Variants in ATP2A2 observed in about 807,000 individuals in gnomAD.
ATP2A2 encodes the protein sarcoplasmic/endoplasmic reticulum calcium ATPase 2.
A neutral mutation model predicts 109.3 loss-of-function variants in ATP2A2; 14 were observed. The ratio of observed to expected loss-of-function variants is 0.13; its 90% CI spans 0.08 to 0.20. The LOEUF is 0.20. Ranked by LOEUF, ATP2A2 falls within the 10% of genes least tolerant of loss-of-function variation. The pLI is 1.00. For synonymous variants in ATP2A2, 506 were observed against 490.9 expected, an observed-to-expected ratio of 1.03 and a Z score of -0.41; for missense variants, 657 against 1,321.6, an observed-to-expected ratio of 0.50 and a Z score of 7.80.
intron 5 of ATP2A2, among the ~76,000 whole-genome samples, chr12:110,315,208 A>G (rs1423453152): frequency 6.6e-6 from 1 of 152,142 alleles, no homozygotes; most frequent in Non-Finnish European, 1.5e-5. Flanking sequence ...AGAGGGGAAG[A>G]AGAATGGTGT....
chr12:110,293,501 TCTC>T (rs566764497), intron 4 of ATP2A2, among the ~76,000 whole-genome samples: 1 of 150,522 alleles, frequency 6.6e-6, no homozygotes, highest in African/African-American at 2.4e-5. Flanking sequence ...ATCAAGCAAT[TCTC>T]CTGTCTCACC....
At position 110,349,411 on chromosome 12, in the gene ATP2A2, G is replaced by C; in HGVS notation, c.*2941G>C. On this transcript the variant is annotated 3_prime_UTR_variant, in exon 20 of 20. Transcript: ENST00000539276. ...CATCAGTGTCGCTTGTTGCCACCCC[G>C]TGCCTCCCTTGGCCTCTCTGAGCTT... 4 of 985,512 alleles carry C rather than the reference G, an allele frequency of 4.1e-6. No homozygotes were observed. Among genetic ancestry groups the C allele is most frequent in the Non-Finnish European group, 4.8e-6 (4 of 830,010 alleles). The allele number at this position is 985,512 out of a possible 1,614,324, so 61.0% of individuals were successfully genotyped here. A position where few individuals can be genotyped will look rare whatever the true frequency, so the allele number is the denominator to read the frequency against.
Position 110,296,588 on chromosome 12 carries a change from C to G in ATP2A2, c.325-11C>G, listed in dbSNP as rs1270322690. 9 of 1,613,780 alleles carry G rather than the reference C, an allele frequency of 5.6e-6. No homozygotes were observed. Among genetic ancestry groups the G allele is most frequent in the Non-Finnish European group, 6.8e-6 (8 of 1,179,970 alleles). On this transcript the variant is annotated splice_polypyrimidine_tract_variant and intron_variant, in intron 4 of 19. Transcript: ENST00000539276. ...CAGGTCTTTACTACTCTTCTGTTTT[C>G]TTTTATACAGGAAAGAAATGCTGAA... is the stretch of plus-strand genomic sequence containing the variant.
chr12:110,306,822 A>C (rs190382195), intron 5 of ATP2A2, among the ~76,000 whole-genome samples: 63 of 152,062 alleles, frequency 4.1e-4, no homozygotes, highest in African/African-American at 1.5e-3. Flanking sequence ...CCACCTCCCA[A>C]GCTCAAGCCA....
At chr12:110,318,737 G>C (rs147772354) in intron 5 of ATP2A2, among the ~76,000 whole-genome samples, 140 of 152,334 alleles carry the variant, frequency 9.2e-4, no homozygotes, top group African/African-American at 3.2e-3. Flanking sequence ...GCTTCCCAAA[G>C]TTCTGGGATT....
chr12:110,348,946 T>C lies in ATP2A2; in HGVS notation c.*2476T>C. On this transcript the variant is annotated 3_prime_UTR_variant, in exon 20 of 20. Transcript: ENST00000539276. ...ATTCCGTGCAAACAAAACTCAGCTT[T>C]TCCTGACTCAGTTCCTTGACTTAGT... 1.0e-6 allele frequency: 1 copy of C among 985,448 alleles called. No individual in the cohort carries two copies. The highest frequency in any genetic ancestry group is 1.7e-5 in the African/African-American group (1 of 57,370). 61.0% of individuals were successfully genotyped at this position (985,448 alleles called of 1,614,324 possible). A position where few individuals can be genotyped will look rare whatever the true frequency, so the allele number is the denominator to read the frequency against.
At chr12:110,309,750 A>G (rs1052989145) in intron 5 of ATP2A2, among the ~76,000 whole-genome samples, 2 of 152,052 alleles carry the variant, frequency 1.3e-5, no homozygotes, top group African/African-American at 4.8e-5. Context: ...TACAAAAAAT[A>G]CAAAAATTAG....
chr12:110,281,986 G>T (rs1872146439), intron 1 of ATP2A2, 79 bp downstream of exon 1: 1 of 1,214,366 alleles, frequency 8.2e-7, no homozygotes, highest in Non-Finnish European at 1.1e-6. Context: ...GCTCCACCTC[G>T]TGGGCTTCGG....
chr12:110,350,241 GT>G lies in ATP2A2; in HGVS notation c.*3774del. 2 of 1,614,060 alleles carry G rather than the reference GT, an allele frequency of 1.2e-6. No homozygotes were observed. The highest frequency in any genetic ancestry group is 1.7e-6 in the Non-Finnish European group (2 of 1,179,998). ...CATCTATTTAAATAGGTATTCTAAC[GT>G]TTCCTCTCTGTATTTCATGAAGCTG... On this transcript the variant is annotated 3_prime_UTR_variant, in exon 20 of 20. Transcript: ENST00000539276.
intron 9 of ATP2A2, among the ~76,000 whole-genome samples, 178 bp from the exon 10 acceptor site, chr12:110,333,003 A>G (rs542193691): frequency 1.3e-3 from 190 of 151,872 alleles, no homozygotes; most frequent in African/African-American, 4.4e-3. Flanking sequence ...CCAGAGATGC[A>G]TTCTCTCTTT....
intron 5 of ATP2A2, 99 bp downstream of exon 5, chr12:110,296,836 T>C: frequency 7.4e-7 from 1 of 1,353,324 alleles, no homozygotes; most frequent in Non-Finnish European, 1.0e-6. Context: ...ATTGTTTTCA[T>C]GTATCAATTA....
chr12:110,301,953 G>C (rs1378628437), intron 5 of ATP2A2, among the ~76,000 whole-genome samples: 1 of 151,894 alleles, frequency 6.6e-6, no homozygotes, highest in African/African-American at 2.4e-5. Flanking sequence ...GTGAAGCTTT[G>C]ATTATTACCC....
chr12:110,326,072 CAG>C, intron 6 of ATP2A2: 2 of 387,692 alleles, frequency 5.2e-6, no homozygotes, highest in Non-Finnish European at 9.8e-6. Context: ...GTCACAGTAT[CAG>C]AGTATAAAAT....
intron 3 of ATP2A2, 56 bp from the exon 4 acceptor site, chr12:110,291,963 TA>T: frequency 6.6e-7 from 1 of 1,511,928 alleles, no homozygotes; most frequent in Non-Finnish European, 9.2e-7. Flanking sequence ...AGCCACTTTT[TA>T]AAAAAGTGAC....
chr12:110,297,744 A>G (rs527664841), intron 5 of ATP2A2, among the ~76,000 whole-genome samples: 1 of 152,018 alleles, frequency 6.6e-6, no homozygotes, highest in African/African-American at 2.4e-5. Context: ...TTGCCCCCCA[A>G]ATAGCTGGTA....
intron 1 of ATP2A2, among the ~76,000 whole-genome samples, chr12:110,282,161 C>T (rs144509561): frequency 4.3e-4 from 65 of 152,330 alleles, no homozygotes; most frequent in Non-Finnish European, 8.1e-4. Flanking sequence ...CCAGCAGCAG[C>T]CGGCCCCGGT....
At chr12:110,338,988 G>A (rs1415923873) in intron 11 of ATP2A2, among the ~76,000 whole-genome samples, 1 of 152,092 alleles carries the variant, frequency 6.6e-6, no homozygotes, top group Non-Finnish European at 1.5e-5. Flanking sequence ...GGCCCCATGG[G>A]GCCATCTTTA....
At position 110,339,251 on chromosome 12, in the gene ATP2A2, C is replaced by T. The variant is rs1225935607; in HGVS notation, c.1420-30C>T. 6.2e-6 allele frequency: 10 copies of T among 1,613,266 alleles called. No individual in the cohort carries two copies. The highest frequency in any genetic ancestry group is 8.5e-6 in the Non-Finnish European group (10 of 1,179,868). On this transcript the variant is annotated intron_variant, in intron 11 of 19. Transcript: ENST00000539276. This position sits in a 1 kb window ranked among gnomAD's most constrained non-coding sequence, Gnocchi z 4.4. ...GTAAAAAAGTTCAGAAATTGCCACC[C>T]AGTAGTATCCATATTTGTTCCCTTT...
At chr12:110,319,743 G>A (rs1313172356) in intron 5 of ATP2A2, among the ~76,000 whole-genome samples, 2 of 151,340 alleles carry the variant, frequency 1.3e-5, no homozygotes, top group Admixed American at 6.6e-5. Flanking sequence ...TCCTGTAGGT[G>A]TATCTATTAG....
Sources: allele counts gnomAD v4.1 joint callset (sites outside exome capture counted in the v4.1 genomes callset), GRCh38; gene constraint gnomAD v4.1.1; non-coding constraint Gnocchi (gnomAD v3.1); transcripts MANE v1.5; gene names NCBI Gene and HGNC (gene_info 2026-07-23, HGNC 2026-07-21).